The following EPHA6 variants were observed in gnomAD, a reference collection of about 807,000 sequenced individuals.
The protein encoded by EPHA6 is ephrin type-A receptor 6.
EPHA6 carries 50 observed loss-of-function variants against 112.0 expected under a neutral mutation model. The ratio of observed to expected loss-of-function variants is 0.45; its 90% CI spans 0.36 to 0.56. The LOEUF (loss-of-function observed/expected upper bound fraction) is 0.56. Among genes scored for constraint, EPHA6 ranks in the 20% least tolerant of loss-of-function variants. EPHA6 has a pLI of 0.00. For missense variants in EPHA6, 1,280 were observed against 1,417.4 expected (o/e 0.90, Z 1.56); for synonymous variants, 529 against 490.7 (o/e 1.08, Z -1.03).
intron 2 of EPHA6, among the ~76,000 whole-genome samples, chr3:96,915,597 A>G (rs2039443306): frequency 6.6e-6 from 1 of 152,128 alleles, no homozygotes; most frequent in South Asian, 2.1e-4. Context: ...AGTGTAGGAC[A>G]GTATCTTCCA....
chr3:96,814,829 C>T lies in EPHA6; in HGVS notation c.206C>T (p.Pro69Leu), dbSNP rs533000473. The change falls in exon 1 of 18, where the codon CCC becomes CTC. Residue 69 changes from proline to leucine, a missense_variant. Pro to Leu is a moderately conservative substitution (Grantham distance 98). Transcript: ENST00000389672. ...EEEEEDVDKDPHPTQNTCLRC... is the reference protein window; with the variant it reads ...EEEEEDVDKDLHPTQNTCLRC... ...GAGGAAGAAGACGTGGACAAGGACC[C>T]CCATCCTACCCAGAACACCTGCCTG... 1.0e-5 allele frequency: 16 copies of T among 1,583,288 alleles called. No homozygotes were observed. The South Asian group carries it at 1.3e-4, about 12-fold the overall frequency.
At chr3:96,947,340 CT>C (rs1363289502) in intron 2 of EPHA6, among the ~76,000 whole-genome samples, 2 of 152,120 alleles carry the variant, frequency 1.3e-5, no homozygotes, top group African/African-American at 4.8e-5. Context: ...ATTAATCCAT[CT>C]TGAATTAATT....
chr3:97,305,434 G>A (rs556653582), intron 5 of EPHA6, among the ~76,000 whole-genome samples: 44 of 151,906 alleles, frequency 2.9e-4, no homozygotes, highest in African/African-American at 8.2e-4. Flanking sequence ...TCATTACAGC[G>A]CTATTCACAA....
intron 2 of EPHA6, among the ~76,000 whole-genome samples, chr3:96,920,044 G>A (rs1410099817): frequency 1.3e-5 from 2 of 151,882 alleles, no homozygotes; most frequent in African/African-American, 4.8e-5. Flanking sequence ...ATTTCTTAAA[G>A]ACTACTGAAA....
At chr3:96,947,979 C>T (rs572772510) in intron 2 of EPHA6, among the ~76,000 whole-genome samples, 11 of 152,218 alleles carry the variant, frequency 7.2e-5, no homozygotes, top group African/African-American at 2.2e-4. Flanking sequence ...GGAGGCATCA[C>T]GCTACCTGAC....
At chr3:97,646,447 T>G (rs770852253) in intron 14 of EPHA6, 62 of 685,320 alleles carry the variant, frequency 9.0e-5, no homozygotes, top group South Asian at 5.6e-4. Context: ...TAATATTTTC[T>G]TCTTCAACTT....
intron 2 of EPHA6, among the ~76,000 whole-genome samples, chr3:96,891,313 G>T (rs1011274247): frequency 4.6e-5 from 7 of 152,102 alleles, no homozygotes; most frequent in Non-Finnish European, 1.0e-4. Context: ...AAATATTGTT[G>T]AACAAAAGAA....
rs918560223 is a variant in EPHA6 at position 97,758,891 on chromosome 3, A to C, written c.*10190A>C. On this transcript the variant is annotated 3_prime_UTR_variant, in exon 18 of 18. Coordinates refer to ENST00000389672, the MANE Select transcript of EPHA6 (RefSeq NM_001080448.3). Reference sequence around the variant, plus strand: ...ACAGTGTTCTTGGTACACTGAAATGAGGCAAAAAGAGGAGAAGGTATACGC... The same window carrying C: ...ACAGTGTTCTTGGTACACTGAAATGCGGCAAAAAGAGGAGAAGGTATACGC... Among the ~76,000 whole-genome samples the C allele has an allele frequency of 1.3e-5, 2 of 151,988 alleles. No homozygotes were observed. Among genetic ancestry groups the C allele is most frequent in the East Asian group, 3.9e-4 (2 of 5,188 alleles).
chr3:97,538,028 A>G (rs1340231215), intron 11 of EPHA6, among the ~76,000 whole-genome samples: 1 of 152,224 alleles, frequency 6.6e-6, no homozygotes, highest in Admixed American at 6.5e-5. Context: ...GTGATAGAAG[A>G]GTATTCTAGA....
chr3:96,852,273 C>A (rs2035438847), intron 1 of EPHA6, among the ~76,000 whole-genome samples: 1 of 151,854 alleles, frequency 6.6e-6, no homozygotes. Flanking sequence ...CTGGGCGGAT[C>A]ACTTAAGGCC....
At chr3:96,994,681 A>ATGTG (rs1170611401) in intron 3 of EPHA6, among the ~76,000 whole-genome samples, 2 of 132,372 alleles carry the variant, frequency 1.5e-5, no homozygotes, top group African/African-American at 5.8e-5. Flanking sequence ...CCTGCTGAGA[A>ATGTG]TGTGTGTGTG....
intron 14 of EPHA6, among the ~76,000 whole-genome samples, chr3:97,697,580 T>G (rs1253603510): frequency 1.3e-5 from 2 of 152,192 alleles, no homozygotes; most frequent in South Asian, 2.1e-4. Context: ...TTCAGTTGAT[T>G]TATGCGTGCA....
At chr3:97,422,850 G>T (rs1163931897) in intron 6 of EPHA6, among the ~76,000 whole-genome samples, 1 of 152,074 alleles carries the variant, frequency 6.6e-6, no homozygotes, top group East Asian at 1.9e-4. Context: ...TGCAAGGTTG[G>T]TTCAACATAC....
At chr3:97,292,079 C>T (rs2080705409) in intron 5 of EPHA6, among the ~76,000 whole-genome samples, 1 of 152,242 alleles carries the variant, frequency 6.6e-6, no homozygotes, top group Non-Finnish European at 1.5e-5. Flanking sequence ...GCTCCAGGCA[C>T]CAGCACAAGC....
intron 3 of EPHA6, among the ~76,000 whole-genome samples, chr3:97,129,662 A>G (rs9880745): frequency 0.44 from 66,413 of 152,002 alleles, 15,136 homozygotes; most frequent in African/African-American, 0.54. Flanking sequence ...GGAATACTGC[A>G]GTGGAGTTTT....
intron 3 of EPHA6, among the ~76,000 whole-genome samples, chr3:97,132,253 G>C (rs566355856): frequency 6.6e-6 from 1 of 152,194 alleles, no homozygotes; most frequent in African/African-American, 2.4e-5. Context: ...CTTGCAACGT[G>C]TCAGGGACTG....
intron 3 of EPHA6, among the ~76,000 whole-genome samples, chr3:97,034,513 A>G (rs966663648): frequency 2.0e-5 from 3 of 151,872 alleles, no homozygotes; most frequent in East Asian, 1.9e-4. Flanking sequence ...CAATTTCTCT[A>G]TTGACAAATG....
intron 5 of EPHA6, among the ~76,000 whole-genome samples, chr3:97,273,694 C>G (rs2079968535): frequency 6.6e-6 from 1 of 152,104 alleles, no homozygotes; most frequent in South Asian, 2.1e-4. Flanking sequence ...AAAGGTTTCA[C>G]TGAATACCAA....
intron 11 of EPHA6, among the ~76,000 whole-genome samples, chr3:97,582,112 C>T (rs1313381841): frequency 6.6e-6 from 1 of 152,064 alleles, no homozygotes; most frequent in African/African-American, 2.4e-5. Flanking sequence ...TTACTGCAAC[C>T]TCCACCTCCC....
Sources: allele counts gnomAD v4.1 joint callset (sites outside exome capture counted in the v4.1 genomes callset), GRCh38; gene constraint gnomAD v4.1.1; transcripts MANE v1.5; gene names NCBI Gene and HGNC (gene_info 2026-07-23, HGNC 2026-07-21).